Variants in SLC15A2 observed in about 807,000 individuals in gnomAD.
SLC15A2 encodes the protein solute carrier family 15 member 2, also known as kidney H(+)/peptide cotransporter.
SLC15A2 carries 77 observed loss-of-function variants against 95.5 expected under a neutral mutation model. The ratio of observed to expected loss-of-function variants is 0.81; its 90% confidence interval spans 0.67 to 0.97. SLC15A2 has a LOEUF of 0.97. Among genes scored for constraint, SLC15A2 ranks in the 50% least tolerant of loss-of-function variants. SLC15A2 has a pLI of 0.00. For synonymous variants in SLC15A2, 306 were observed against 306.9 expected (o/e 1.00, Z 0.03); for missense variants, 893 against 874.4 (o/e 1.02, Z -0.27).
At chr3:121,905,756 C>A (rs1709625854) in intron 3 of SLC15A2, among the ~76,000 whole-genome samples, 1 of 152,162 alleles carries the variant, frequency 6.6e-6, no homozygotes, top group South Asian at 2.1e-4. Context: ...CTGAGGAGTG[C>A]TTTACTTCCA....
At chr3:121,940,072 C>G (rs1342583387) in intron 20 of SLC15A2, among the ~76,000 whole-genome samples, 2 of 152,064 alleles carry the variant, frequency 1.3e-5, no homozygotes, top group African/African-American at 4.8e-5. Flanking sequence ...TCCCAAAGTG[C>G]TAGGATTACA....
At chr3:121,940,312 A>G in intron 20 of SLC15A2, 72 bp from the exon 21 acceptor site, 1 of 1,115,212 alleles carries the variant, frequency 9.0e-7, no homozygotes, top group Non-Finnish European at 1.4e-6. Context: ...TTGTGGGAGA[A>G]GTTTCCTGGA....
Position 121,939,350 on chromosome 3 carries a change from A to G in SLC15A2, c.1763A>G (p.Asn588Ser), listed in dbSNP as rs898316876. 10 of 1,515,864 alleles carry G rather than the reference A, an allele frequency of 6.6e-6. No individual in the cohort carries two copies. The highest frequency in any genetic ancestry group is 8.8e-6 in the Non-Finnish European group (10 of 1,133,466). 93.9% of individuals were successfully genotyped at this position (1,515,864 alleles called of 1,614,324 possible). The stretch of plus-strand genomic sequence containing the variant: ...ATTTCCATTTTCTCTTTCCCTAAGA[A>G]CACCAATCAGGGTCTTCAGGCCTGG... Reference protein sequence around the residue: ...GAAYLFVITNNTNQGLQAWKI... With the variant: ...GAAYLFVITNSTNQGLQAWKI... Residue 588 changes from asparagine to serine, a missense_variant and splice_region_variant, in exon 20 of 22, where the codon AAC (asparagine) becomes AGC (serine). Transcript: ENST00000489711.
chr3:121,940,509 G>A, intron 21 of SLC15A2, 21 bp downstream of exon 21: 1 of 1,579,924 alleles, frequency 6.3e-7, no homozygotes, highest in African/African-American at 1.3e-5. Flanking sequence ...GAGGGAAGCA[G>A]GATTCATTTC....
intron 17 of SLC15A2, among the ~76,000 whole-genome samples, chr3:121,930,392 A>G (rs961865206): frequency 6.6e-6 from 1 of 152,232 alleles, no homozygotes; most frequent in Non-Finnish European, 1.5e-5. Context: ...GACTTCATTT[A>G]TAAGAGGATA....
Position 121,896,471 on chromosome 3 carries a change from C to T in SLC15A2, c.171C>T (p.Arg57=). The change falls in exon 2 of 22, where the codon CGC becomes CGT. Residue 57 remains arginine (R), a synonymous_variant. Coordinates refer to ENST00000489711, the MANE Select transcript of SLC15A2 (RefSeq NM_021082.4). ...AFIVVNEFCE[R]FSYYGMKAVL... ...TTGTGGTGAATGAATTCTGCGAGCG[C>T]TTTTCCTATTATGGAATGAAAGGTA... The T allele has an allele frequency of 1.9e-6, 3 of 1,614,058 alleles. No individual in the cohort carries two copies. The highest frequency in any genetic ancestry group is 2.5e-6 in the Non-Finnish European group (3 of 1,179,944).
At chr3:121,940,361 T>G (rs1438773416) in intron 20 of SLC15A2, 23 bp from the exon 21 acceptor site, 1 of 1,599,230 alleles carries the variant, frequency 6.3e-7, no homozygotes, top group South Asian at 1.1e-5. Flanking sequence ...GTTTGTTTAC[T>G]TTCAAACTTG....
At chr3:121,902,847 T>C (rs1251657292) in intron 3 of SLC15A2, among the ~76,000 whole-genome samples, 1 of 152,252 alleles carries the variant, frequency 6.6e-6, no homozygotes, top group Non-Finnish European at 1.5e-5. Flanking sequence ...TATAGTAGCA[T>C]GATTTATAAT....
intron 3 of SLC15A2, among the ~76,000 whole-genome samples, chr3:121,901,185 AT>A (rs1404967784): frequency 1.3e-5 from 2 of 151,838 alleles, no homozygotes; most frequent in Non-Finnish European, 2.9e-5. Context: ...TGCCCGGCTA[AT>A]TTTTGTATTT....
Position 121,923,021 on chromosome 3 carries a change from T to G in SLC15A2, c.868-19T>G. 1 of 1,611,874 alleles carries G rather than the reference T, an allele frequency of 6.2e-7. No homozygotes were observed. Among genetic ancestry groups the G allele is most frequent in the Non-Finnish European group, 8.5e-7 (1 of 1,178,294 alleles). On this transcript the variant is annotated intron_variant, in intron 9 of 21. Coordinates refer to ENST00000489711, the MANE Select transcript of SLC15A2 (RefSeq NM_021082.4). ...ACAGAACTTCTAGCATTTCTGCCCATTCTTCCTCCTTTTCGCAGAAGCAGC... is the reference window on the plus strand; with the variant it reads ...ACAGAACTTCTAGCATTTCTGCCCAGTCTTCCTCCTTTTCGCAGAAGCAGC...
chr3:121,896,901 CAA>C (rs71133581), intron 2 of SLC15A2, among the ~76,000 whole-genome samples: 7,694 of 88,054 alleles, frequency 0.087, 304 homozygotes, highest in South Asian at 0.22. Context: ...AACTCATCTC[CAA>C]AAAAAAAAAA....
intron 5 of SLC15A2, 114 bp from the exon 6 acceptor site, chr3:121,915,113 G>A (rs1169263568): frequency 9.1e-7 from 1 of 1,093,262 alleles, no homozygotes; most frequent in Non-Finnish European, 1.3e-6. Context: ...AGGTATTGTG[G>A]AGGCAATATC....
chr3:121,916,852 G>A (rs764937836), intron 7 of SLC15A2, among the ~76,000 whole-genome samples: 18 of 151,426 alleles, frequency 1.2e-4, no homozygotes, highest in East Asian at 7.8e-4. Flanking sequence ...ATGGAGTCTC[G>A]CTCTGTCGCC....
At chr3:121,900,292 A>G (rs918394845) in intron 3 of SLC15A2, among the ~76,000 whole-genome samples, 1 of 152,066 alleles carries the variant, frequency 6.6e-6, no homozygotes, top group Non-Finnish European at 1.5e-5. Context: ...TCTCTCTCAC[A>G]TTTATCCCTT....
At chr3:121,911,041 AG>A (rs1709756617) in intron 3 of SLC15A2, among the ~76,000 whole-genome samples, 2 of 152,196 alleles carry the variant, frequency 1.3e-5, no homozygotes, top group South Asian at 4.1e-4. Context: ...TGAACCTGAG[AG>A]CTTTTTACCT....
At chr3:121,904,563 G>T (rs1210249568) in intron 3 of SLC15A2, among the ~76,000 whole-genome samples, 1 of 152,132 alleles carries the variant, frequency 6.6e-6, no homozygotes, top group African/African-American at 2.4e-5. Flanking sequence ...AGCATGAAGG[G>T]CTGTTGATTT....
intron 5 of SLC15A2, 57 bp downstream of exon 5, chr3:121,913,177 A>T (rs967922744): frequency 3.7e-6 from 5 of 1,334,672 alleles, no homozygotes; most frequent in Non-Finnish European, 5.4e-6. Flanking sequence ...TAATGGGGGT[A>T]TCTGGCAGGT....
intron 3 of SLC15A2, among the ~76,000 whole-genome samples, chr3:121,906,986 C>G (rs1271297513): frequency 1.3e-5 from 2 of 152,160 alleles, no homozygotes; most frequent in East Asian, 3.8e-4. Context: ...TTCAGGTACA[C>G]CAATCAAATG....
At chr3:121,906,065 G>A (rs146790097) in intron 3 of SLC15A2, among the ~76,000 whole-genome samples, 50 of 152,298 alleles carry the variant, frequency 3.3e-4, no homozygotes, top group African/African-American at 9.1e-4. Flanking sequence ...AGGATAGCTA[G>A]GTCTTCTTGT....
Sources: allele counts gnomAD v4.1 joint callset (sites outside exome capture counted in the v4.1 genomes callset), GRCh38; gene constraint gnomAD v4.1.1; transcripts MANE v1.5; gene names NCBI Gene and HGNC (gene_info 2026-07-23, HGNC 2026-07-21).